Variants in GLI4 observed in about 807,000 individuals in gnomAD.
GLI4 encodes zinc finger protein GLI4.
Under a neutral mutation model 30.9 loss-of-function variants are expected in GLI4, and 34 were observed. The observed-to-expected ratio is 1.10, with a 90% CI of 0.84 to 1.47. The LOEUF (loss-of-function observed/expected upper bound fraction) is 1.47, where lower values mean the gene tolerates loss of function less well. GLI4 is among the 40% of genes most tolerant of loss of function. GLI4 has a pLI of 0.00. For synonymous variants in GLI4, 277 were observed against 236.7 expected, an observed-to-expected ratio of 1.17 and a Z score of -1.56; for missense variants, 696 against 538.9, an observed-to-expected ratio of 1.29 and a Z score of -2.89.
Position 143,276,523 on chromosome 8 carries a change from C to T in GLI4, c.850C>T (p.Arg284Cys), listed in dbSNP as rs1249548042. Residue 284 changes from arginine to cysteine, a missense_variant, in exon 4 of 4, where the codon CGC (arginine) becomes TGC (cysteine). Coordinates refer to ENST00000340042, the MANE Select transcript of GLI4 (RefSeq NM_138465.4). Reference protein sequence around the residue: ...QAFSQSSNLVRHQRLHTGEKP... With the variant: ...QAFSQSSNLVCHQRLHTGEKP... ...CTTCAGCCAGAGCTCCAACCTGGTG[C>T]GCCACCAGCGGCTGCACACGGGTGA... is the stretch of plus-strand genomic sequence containing the variant. 1.9e-6 allele frequency: 3 copies of T among 1,612,058 alleles called. No homozygotes were observed. Among genetic ancestry groups the T allele is most frequent in the East Asian group, 2.2e-5 (1 of 44,786 alleles).
At chr8:143,268,261 C>G (rs558441384) in intron 1 of GLI4, among the ~76,000 whole-genome samples, 1 of 152,328 alleles carries the variant, frequency 6.6e-6, no homozygotes, top group South Asian at 2.1e-4. Flanking sequence ...CTCCCACTTC[C>G]TCGAAGCAGG....
rs1330308457 is a variant in GLI4, at chr8:143,276,691, C to T, written c.1018C>T (p.Arg340Trp). 7 of 1,611,052 alleles carry T rather than the reference C, an allele frequency of 4.3e-6. No homozygotes were observed. The highest frequency in any genetic ancestry group is 1.3e-5 in the African/African-American group (1 of 74,948). The change falls in exon 4 of 4, where the codon CGG becomes TGG. Residue 340 changes from arginine (R) to tryptophan (W), a missense_variant. Arg to Trp is a moderately radical substitution (Grantham distance 101, BLOSUM62 -3). Transcript: ENST00000340042. ...CTTCCGCGGCCGCTCGCACTTCTTC[C>T]GGCACCTGCGGACCCACACGGGCGA... The part of the protein sequence containing the change: ...KAFRGRSHFF[R>W]HLRTHTGEKP...
Position 143,274,230 on chromosome 8 carries a change from C to T in GLI4, c.125-474C>T, listed in dbSNP as rs183806322. Among the ~76,000 whole-genome samples the T allele has an allele frequency of 2.8e-3, 431 of 152,322 alleles. 2 individuals carry two copies. Among genetic ancestry groups the T allele is most frequent in the African/African-American group, 9.9e-3 (410 of 41,580 alleles). ...GCTGTTTCTGGGCGCTCGTCAAGGA[C>T]AGCAGAGAGCCCCGGAGGGACAGAA... is the stretch of plus-strand genomic sequence containing the variant. On this transcript the variant is annotated intron_variant, in intron 2 of 3. Transcript: ENST00000340042.
chr8:143,269,019 T>C (rs1386066623), intron 1 of GLI4, among the ~76,000 whole-genome samples: 1 of 152,202 alleles, frequency 6.6e-6, no homozygotes, highest in Non-Finnish European at 1.5e-5. Flanking sequence ...AATTTTTATA[T>C]TTTTAGTAGA....
intron 2 of GLI4, chr8:143,273,374 G>C (rs951484552): frequency 6.6e-6 from 1 of 152,262 alleles, no homozygotes; most frequent in Non-Finnish European, 1.5e-5. Context: ...CTCGGCTCTC[G>C]AGGAAGGGAC....
intron 3 of GLI4, chr8:143,275,239 C>A: frequency 6.5e-7 from 1 of 1,529,360 alleles, no homozygotes; most frequent in Non-Finnish European, 8.7e-7. Flanking sequence ...AGGTCCCCTG[C>A]ACCTCCCCCT....
intron 3 of GLI4, chr8:143,275,332 C>T (rs779822636): frequency 2.1e-4 from 301 of 1,430,158 alleles, no homozygotes; most frequent in Non-Finnish European, 2.6e-4. Flanking sequence ...CACATCTGGG[C>T]GGCCCTGGGG....
chr8:143,274,862 C>A, intron 3 of GLI4, 60 bp downstream of exon 3: 1 of 1,513,980 alleles, frequency 6.6e-7, no homozygotes, highest in Non-Finnish European at 8.9e-7. Context: ...AGGCTCCTCA[C>A]AATGCCCACC....
intron 3 of GLI4, chr8:143,275,318 C>T (rs1317602041): frequency 8.3e-6 from 12 of 1,440,818 alleles, no homozygotes; most frequent in Admixed American, 5.1e-5. Context: ...GCTGAGCCCT[C>T]GCCCACATCT....
chr8:143,267,691 C>T, intron 1 of GLI4: 3 of 985,382 alleles, frequency 3.0e-6, no homozygotes, highest in Non-Finnish European at 3.6e-6. Flanking sequence ...CCGCCCCGCC[C>T]AGCGGCCCTG....
At chr8:143,270,625 C>T (rs1815246919) in intron 2 of GLI4, among the ~76,000 whole-genome samples, 1 of 152,194 alleles carries the variant, frequency 6.6e-6, no homozygotes, top group Admixed American at 6.5e-5. Context: ...CTCCTCACCC[C>T]TTAGTCAGAA....
rs943976164 is a variant in GLI4 at position 143,274,805 on chromosome 8, G to A, written c.223+3G>A. On this transcript the variant is annotated splice_donor_region_variant and intron_variant, in intron 3 of 3. Transcript: ENST00000340042. The stretch of plus-strand genomic sequence containing the variant: ...CGGCAGAGACACCTTCTGGCCCGGT[G>A]AGTGAGCAGAATCGGGTTACTGGGG... 23 of 1,554,794 alleles carry A rather than the reference G, an allele frequency of 1.5e-5. No homozygotes were observed. Among genetic ancestry groups the A allele is most frequent in the Non-Finnish European group, 1.9e-5 (22 of 1,146,632 alleles).
intron 3 of GLI4, 195 bp downstream of exon 3, chr8:143,274,997 C>T (rs773811907): frequency 1.6e-5 from 24 of 1,501,504 alleles, no homozygotes; most frequent in South Asian, 1.5e-4. Context: ...TGATGCTTCC[C>T]GAGGCGGTGA....
intron 3 of GLI4, chr8:143,275,513 C>T (rs1815364148): frequency 2.4e-6 from 3 of 1,270,806 alleles, no homozygotes; most frequent in Non-Finnish European, 3.0e-6. Flanking sequence ...TCGGCAAGGG[C>T]TTTGAGGCGC....
chr8:143,267,639 G>T, intron 1 of GLI4, 155 bp downstream of exon 1: 2 of 985,392 alleles, frequency 2.0e-6, no homozygotes, highest in Non-Finnish European at 2.4e-6. Context: ...GCCAAGCCCG[G>T]GGAGCGGGGT....
At chr8:143,267,571 C>T in intron 1 of GLI4, 87 bp downstream of exon 1, 2 of 985,550 alleles carry the variant, frequency 2.0e-6, no homozygotes, top group Non-Finnish European at 2.4e-6. Flanking sequence ...CGGTGCAGCC[C>T]TGCCCAGCCG....
At chr8:143,268,364 T>A (rs1252109366) in intron 1 of GLI4, among the ~76,000 whole-genome samples, 1 of 152,246 alleles carries the variant, frequency 6.6e-6, no homozygotes, top group Non-Finnish European at 1.5e-5. Flanking sequence ...TAGGAGTTCC[T>A]ACTCTATCAC....
Position 143,276,450 on chromosome 8 carries a change from C to T in GLI4, c.777C>T (p.Arg259=), listed in dbSNP as rs926852041. The T allele has an allele frequency of 1.9e-6, 3 of 1,612,398 alleles. No individual in the cohort carries two copies. The highest frequency in any genetic ancestry group is 2.2e-5 in the South Asian group (2 of 91,002). Residue 259 remains arginine, a synonymous_variant, in exon 4 of 4, where the codon CGC becomes CGT. Coordinates refer to ENST00000340042, the MANE Select transcript of GLI4 (RefSeq NM_138465.4). Reference sequence around the variant, plus strand: ...GCTCGCACTTCACGCAGCACCTGCGCATCCACAACGGCGAGAAGCCCTACA... The same window carrying T: ...GCTCGCACTTCACGCAGCACCTGCGTATCCACAACGGCGAGAAGCCCTACA... ...SHSSHFTQHL[R]IHNGEKPYKC...
At chr8:143,268,968 C>A (rs565318329) in intron 1 of GLI4, among the ~76,000 whole-genome samples, 1 of 152,068 alleles carries the variant, frequency 6.6e-6, no homozygotes, top group East Asian at 1.9e-4. Flanking sequence ...CTCAGCTTCC[C>A]AAGTAGCTGG....
Sources: gnomAD v4.1 joint callset for allele counts (sites outside exome capture counted in the v4.1 genomes callset) on GRCh38, gnomAD v4.1.1 for gene constraint, MANE v1.5 for transcripts, NCBI Gene and HGNC (gene_info 2026-07-23, HGNC 2026-07-21) for gene names.